CAMSAP2: variants seen among roughly 807,000 people sequenced by gnomAD.
CAMSAP2 encodes the protein calmodulin-regulated spectrin-associated protein 2.
A neutral mutation model predicts 146.1 loss-of-function variants in CAMSAP2; 26 were observed. That is an observed-to-expected ratio of 0.18 (90% CI 0.13 to 0.25). The LOEUF (loss-of-function observed/expected upper bound fraction) is 0.25. Ranked by LOEUF, CAMSAP2 falls within the 10% of genes least tolerant of loss-of-function variation. The pLI, the probability that CAMSAP2 is intolerant of heterozygous loss-of-function variation, is 1.00. For missense variants in CAMSAP2, 1,381 were observed against 1,759.3 expected (o/e 0.78, Z 3.85); for synonymous variants, 499 against 596.6 (o/e 0.84, Z 2.38).
chr1:200,757,533 A>T (rs538575510), intron 1 of CAMSAP2, among the ~76,000 whole-genome samples: 1 of 152,206 alleles, frequency 6.6e-6, no homozygotes, highest in African/African-American at 2.4e-5. Context: ...TCTGGAGGTT[A>T]GGGAGAGAGT....
In CAMSAP2 at chr1:200,760,995, G is replaced by A. The variant is rs1664784114; in HGVS notation, c.296G>A (p.Gly99Asp). The A allele has an allele frequency of 6.2e-7, 1 of 1,614,092 alleles. No homozygotes were observed. The highest frequency in any genetic ancestry group is 8.5e-7 in the Non-Finnish European group (1 of 1,180,010). Residue 99 changes from glycine (G) to aspartate (D), a missense_variant, in exon 2 of 17, where the codon GGC becomes GAC. Physicochemically the swap from Gly to Asp is moderately conservative, Grantham distance 94. This residue lies in a region of CAMSAP2 where 284 missense variants were observed against 406.9 expected (regional missense o/e 0.70). Transcript: ENST00000358823. The part of the protein sequence containing the change: ...LKSDAAKPLL[G>D]HDAVIQALAQ... Reference sequence around the variant, plus strand: ...AGTGATGCTGCAAAACCCCTTTTGGGCCATGATGCTGTAATCCAGGCTTTA... The same window carrying A: ...AGTGATGCTGCAAAACCCCTTTTGGACCATGATGCTGTAATCCAGGCTTTA...
At chr1:200,806,763 G>GTATCTATCTA (rs747690657) in intron 2 of CAMSAP2, among the ~76,000 whole-genome samples, 10 of 117,692 alleles carry the variant, frequency 8.5e-5, no homozygotes, top group Non-Finnish European at 1.6e-4. Flanking sequence ...GTGTGTGTGT[G>GTATCTATCTA]TGTATCTATC....
chr1:200,830,384 G>A, intron 4 of CAMSAP2, among the ~76,000 whole-genome samples: 1 of 152,220 alleles, frequency 6.6e-6, no homozygotes, highest in East Asian at 1.9e-4. Flanking sequence ...TTGCAGGAGG[G>A]AGTAGAACAA....
chr1:200,760,978 T>C lies in CAMSAP2; in HGVS notation c.279T>C (p.Ala93=). 1 of 1,614,172 alleles carries C rather than the reference T, an allele frequency of 6.2e-7. No homozygotes were observed. Among genetic ancestry groups the C allele is most frequent in the Non-Finnish European group, 8.5e-7 (1 of 1,180,036 alleles). Residue 93 remains alanine, a synonymous_variant, in exon 2 of 17, where the codon GCT becomes GCC. Transcript: ENST00000358823. ...GGAGTCTCATTCTCAAGAGTGATGC[T>C]GCAAAACCCCTTTTGGGCCATGATG... The part of the protein sequence containing the change: ...RAGSLILKSD[A]AKPLLGHDAV...
chr1:200,776,171 A>G (rs1665273551), intron 2 of CAMSAP2, among the ~76,000 whole-genome samples: 2 of 152,176 alleles, frequency 1.3e-5, no homozygotes, highest in South Asian at 2.1e-4. Context: ...TGTTGTAATC[A>G]TAGTATTTGG....
At chr1:200,814,125 A>AAGGGGGGGGGGGGGGGGGGGGGGGGGGG (rs1558188973) in intron 3 of CAMSAP2, among the ~76,000 whole-genome samples, 1 of 3,970 alleles carries the variant, frequency 2.5e-4, no homozygotes, top group African/African-American at 1.1e-3. Flanking sequence ...AAAAAAAAAA[A>AAGGGGGGGGGGGGGGGGGGGGGGGGGGG]GGTGGCGGGG....
At chr1:200,801,595 C>T (rs555578956) in intron 2 of CAMSAP2, among the ~76,000 whole-genome samples, 233 of 152,340 alleles carry the variant, frequency 1.5e-3, no homozygotes, top group African/African-American at 5.0e-3. Flanking sequence ...GGTCTTTTCA[C>T]ATAGTCCCAT....
At position 200,860,606 on chromosome 1, in the gene CAMSAP2, G is replaced by GT. The variant is rs1489087586; in HGVS notation, c.*2553dup. On this transcript the variant is annotated 3_prime_UTR_variant, in exon 17 of 17. Transcript: ENST00000358823. ...CTAGAGCATTGCTTACAGGTTTTTTGTTTTTTAAGATGCTGTGCTGTAAAA... is the reference window on the plus strand; with the variant it reads ...CTAGAGCATTGCTTACAGGTTTTTTGTTTTTTTAAGATGCTGTGCTGTAAAA... 2 of 152,208 alleles carry GT rather than the reference G, an allele frequency of 1.3e-5. No homozygotes were observed. Among genetic ancestry groups the GT allele is most frequent in the Non-Finnish European group, 2.9e-5 (2 of 67,976 alleles). The allele number at this position is 152,208 out of a possible 1,614,324, so 9.4% of individuals were successfully genotyped here.
intron 4 of CAMSAP2, among the ~76,000 whole-genome samples, chr1:200,820,572 T>A (rs578043173): frequency 3.3e-5 from 5 of 152,298 alleles, no homozygotes; most frequent in African/African-American, 1.2e-4. Context: ...GGTAAATGCT[T>A]ATACCTCTTT....
rs986280668 is a variant in CAMSAP2, at chr1:200,853,644, T to C, written c.3823+149T>C. Reference sequence around the variant, plus strand: ...CTTTTGGAAAACCAAAATGAGCAAATGAAGTTTTTAATAAATTAAATGTAT... The same window carrying C: ...CTTTTGGAAAACCAAAATGAGCAAACGAAGTTTTTAATAAATTAAATGTAT... On this transcript the variant is annotated intron_variant, in intron 13 of 16. Transcript: ENST00000358823. This position sits in a 1 kb window ranked among gnomAD's most constrained non-coding sequence, Gnocchi z 5.1. The C allele has an allele frequency of 1.5e-4, 97 of 632,060 alleles. No homozygotes were observed. Among genetic ancestry groups the C allele is most frequent in the Non-Finnish European group, 2.4e-4 (85 of 354,476 alleles). 39.2% of individuals were successfully genotyped at this position (632,060 alleles called of 1,614,324 possible).
At chr1:200,810,315 C>T (rs1015756685) in intron 3 of CAMSAP2, among the ~76,000 whole-genome samples, 8 of 152,290 alleles carry the variant, frequency 5.3e-5, no homozygotes, top group African/African-American at 1.9e-4. Context: ...CGTGGTGGCT[C>T]ACACCTGTAA....
At chr1:200,810,499 C>G (rs1280809741) in intron 3 of CAMSAP2, among the ~76,000 whole-genome samples, 2 of 151,062 alleles carry the variant, frequency 1.3e-5, no homozygotes, top group East Asian at 3.9e-4. Flanking sequence ...TTGCTTGAAC[C>G]TGGGAGGCGG....
At chr1:200,785,724 G>A (rs1035245722) in intron 2 of CAMSAP2, among the ~76,000 whole-genome samples, 1 of 124,608 alleles carries the variant, frequency 8.0e-6, no homozygotes, top group African/African-American at 3.1e-5. Context: ...GTCTTGCTCC[G>A]TTGTCCAGGC....
At chr1:200,795,752 G>GT (rs1665868438) in intron 2 of CAMSAP2, among the ~76,000 whole-genome samples, 1 of 152,152 alleles carries the variant, frequency 6.6e-6, no homozygotes, top group Non-Finnish European at 1.5e-5. Flanking sequence ...CCAAATGTAA[G>GT]TGACAAGATG....
At chr1:200,818,589 T>C (rs1666668443) in intron 4 of CAMSAP2, among the ~76,000 whole-genome samples, 1 of 152,060 alleles carries the variant, frequency 6.6e-6, no homozygotes, top group South Asian at 2.1e-4. Context: ...AGGGTTAATT[T>C]AACATAATCT....
chr1:200,759,239 CT>C (rs931203229), intron 1 of CAMSAP2, among the ~76,000 whole-genome samples: 6 of 149,158 alleles, frequency 4.0e-5, no homozygotes, highest in African/African-American at 1.2e-4. Flanking sequence ...TAGAAAGGCT[CT>C]TTTTTTTCTG....
intron 3 of CAMSAP2, among the ~76,000 whole-genome samples, chr1:200,814,616 AAAAAAAAAAAAAAAAAAAC>A (rs1413666387): frequency 7.9e-6 from 1 of 127,252 alleles, no homozygotes; most frequent in Non-Finnish European, 1.7e-5. Context: ...TCCCAAAAAA[AAAAAAAAAAAAAAAAAAAC>A]AAGAAGAAGA....
chr1:200,847,392 TG>T (rs569379916), intron 9 of CAMSAP2, 100 bp downstream of exon 9: 98,397 of 701,084 alleles, frequency 0.14, 8,757 homozygotes, highest in East Asian at 0.2. Flanking sequence ...AGGGTTTTTT[TG>T]TGTGTGTGTG....
At chr1:200,774,681 T>C (rs1363086694) in intron 2 of CAMSAP2, among the ~76,000 whole-genome samples, 1 of 152,134 alleles carries the variant, frequency 6.6e-6, no homozygotes, top group East Asian at 1.9e-4. Context: ...GAGCAGAGAT[T>C]TGAAAGATGA....
Sources: allele counts gnomAD v4.1 joint callset (sites outside exome capture counted in the v4.1 genomes callset), GRCh38; gene constraint gnomAD v4.1.1; regional missense constraint gnomAD v4.1.1; non-coding constraint Gnocchi (gnomAD v3.1); transcripts MANE v1.5; gene names NCBI Gene and HGNC (gene_info 2026-07-23, HGNC 2026-07-21).